MAGI2: variants seen among roughly 807,000 people sequenced by gnomAD.
MAGI2 encodes the protein membrane-associated guanylate kinase, WW and PDZ domain-containing protein 2.
MAGI2 carries 35 observed loss-of-function variants against 133.3 expected under a neutral mutation model. That is an observed-to-expected ratio of 0.26 (90% confidence interval 0.20 to 0.35). MAGI2 has a LOEUF of 0.35. Among genes scored for constraint, MAGI2 ranks in the 10% least tolerant of loss-of-function variants. The probability of loss-of-function intolerance (pLI) is 1.00; values close to 1 mark genes in which losing one functional copy is unlikely to be tolerated. For missense variants in MAGI2, 1,636 were observed against 1,863.4 expected (o/e 0.88, Z 2.25); for synonymous variants, 729 against 710.6 (o/e 1.03, Z -0.41).
intron 1 of MAGI2, among the ~76,000 whole-genome samples, chr7:79,017,197 C>T (rs527854755): frequency 6.6e-6 from 1 of 152,210 alleles, no homozygotes; most frequent in Non-Finnish European, 1.5e-5. Flanking sequence ...AGAGTTCTAG[C>T]CAGCTGTCTG....
At chr7:79,282,593 A>C (rs1279364002) in intron 1 of MAGI2, among the ~76,000 whole-genome samples, 1 of 152,172 alleles carries the variant, frequency 6.6e-6, no homozygotes, top group Non-Finnish European at 1.5e-5. Context: ...AAGCAGAGAA[A>C]AGAACAAAAG....
intron 1 of MAGI2, among the ~76,000 whole-genome samples, chr7:79,031,719 T>C (rs1810594022): frequency 6.6e-6 from 1 of 152,202 alleles, no homozygotes; most frequent in African/African-American, 2.4e-5. Flanking sequence ...AAAATGTATA[T>C]TTAGTTTCTC....
At chr7:78,700,314 A>T (rs865845627) in intron 2 of MAGI2, among the ~76,000 whole-genome samples, 4 of 152,076 alleles carry the variant, frequency 2.6e-5, no homozygotes, top group Non-Finnish European at 4.4e-5. Flanking sequence ...CATGTTGTGG[A>T]TGTTTGTGAA....
chr7:78,969,910 A>T (rs1043427645), intron 2 of MAGI2, among the ~76,000 whole-genome samples: 1 of 152,056 alleles, frequency 6.6e-6, no homozygotes, highest in African/African-American at 2.4e-5. Context: ...TTGTGTATGA[A>T]TACCAATATC....
At chr7:78,976,030 C>T (rs1000845947) in intron 2 of MAGI2, among the ~76,000 whole-genome samples, 1 of 151,512 alleles carries the variant, frequency 6.6e-6, no homozygotes, top group Non-Finnish European at 1.5e-5. Flanking sequence ...AATAACTTCT[C>T]AAAAATGAAA....
At chr7:79,119,014 T>A (rs1227739816) in intron 1 of MAGI2, among the ~76,000 whole-genome samples, 2 of 152,120 alleles carry the variant, frequency 1.3e-5, no homozygotes, top group African/African-American at 4.8e-5. Flanking sequence ...TGGCAGTGAG[T>A]GTAATTTCAA....
chr7:79,020,084 C>A (rs998976721), intron 1 of MAGI2, among the ~76,000 whole-genome samples: 1 of 152,120 alleles, frequency 6.6e-6, no homozygotes, highest in African/African-American at 2.4e-5. Flanking sequence ...GTGATATGGA[C>A]AATGAAGTCC....
intron 6 of MAGI2, among the ~76,000 whole-genome samples, chr7:78,453,400 G>A (rs751692678): frequency 6.6e-6 from 1 of 152,212 alleles, no homozygotes; most frequent in Non-Finnish European, 1.5e-5. Context: ...TGTTTCCCCA[G>A]GCTCTTGGCA....
At chr7:78,855,194 T>C (rs1793525006) in intron 2 of MAGI2, among the ~76,000 whole-genome samples, 1 of 152,076 alleles carries the variant, frequency 6.6e-6, no homozygotes, top group Admixed American at 6.6e-5. Flanking sequence ...GCTCAAGCCA[T>C]CCTACCACCT....
rs114280650 is a variant in MAGI2 at position 78,792,271 on chromosome 7, A to C, written c.419-165032T>G. ...CACGTAAAGCCTTTACACAATAAAC[A>C]CTTAGGAAATGTTTGTTGTCCACGT... is the stretch of plus-strand genomic sequence containing the variant. On this transcript the variant is annotated intron_variant, in intron 2 of 21. Transcript: ENST00000354212. Among the ~76,000 whole-genome samples the C allele has an allele frequency of 4.6e-3, 706 of 152,300 alleles. 8 individuals carry two copies. Among genetic ancestry groups the C allele is most frequent in the African/African-American group, 0.016 (671 of 41,558 alleles).
chr7:78,019,776 A>C lies in MAGI2; in HGVS notation c.3907T>G (p.Cys1303Gly), dbSNP rs1373016946. 1.2e-6 allele frequency: 2 copies of C among 1,612,494 alleles called. No homozygotes were observed. The highest frequency in any genetic ancestry group is 1.7e-6 in the Non-Finnish European group (2 of 1,179,670). ...DVRKPKELSA[C>G]GQKKQRLGEQ... ...CCGAGGCGCTGCTTCTTCTGGCCGC[A>C]GGCTGAAAGCTCCTTTGGTTTCCTA... The change falls in exon 22 of 22, where the codon TGC becomes GGC. Residue 1303 changes from cysteine to glycine, a missense_variant. Around this residue, in one of 5 missense-constraint regions of MAGI2, gnomAD observed 354 missense variants for 298.7 expected, o/e 1.19. Coordinates refer to ENST00000354212, the MANE Select transcript of MAGI2 (RefSeq NM_012301.4).
At chr7:78,057,989 A>ATGTGTGTGTGTGTGTGTGTG (rs1384818083) in intron 21 of MAGI2, among the ~76,000 whole-genome samples, 40 of 30,654 alleles carry the variant, frequency 1.3e-3, no homozygotes, top group South Asian at 2.4e-3. Context: ...ATATATATAT[A>ATGTGTGTGTGTGTGTGTGTG]TATATATATA....
At chr7:79,332,632 TG>T (rs1374058414) in intron 1 of MAGI2, among the ~76,000 whole-genome samples, 1 of 152,174 alleles carries the variant, frequency 6.6e-6, no homozygotes, top group Non-Finnish European at 1.5e-5. Flanking sequence ...CAAGTCATAT[TG>T]GGTAGAGCAG....
chr7:78,239,420 AAACT>A (rs1237426958), intron 10 of MAGI2, among the ~76,000 whole-genome samples: 2 of 152,228 alleles, frequency 1.3e-5, no homozygotes, highest in African/African-American at 4.8e-5. Flanking sequence ...GGGTTATATC[AAACT>A]AACAAACTTC....
intron 1 of MAGI2, among the ~76,000 whole-genome samples, chr7:79,032,638 ATGTAAAAATC>A (rs1252446465): frequency 6.6e-6 from 1 of 152,086 alleles, no homozygotes; most frequent in Non-Finnish European, 1.5e-5. Flanking sequence ...TTTTAAAAAT[ATGTAAAAATC>A]TGAAGCACTC....
At chr7:78,653,013 G>C (rs566646871) in intron 2 of MAGI2, among the ~76,000 whole-genome samples, 1 of 151,656 alleles carries the variant, frequency 6.6e-6, no homozygotes, top group Non-Finnish European at 1.5e-5. Context: ...ACATTTATGC[G>C]GTCAACAAAC....
intron 1 of MAGI2, among the ~76,000 whole-genome samples, chr7:79,364,897 C>T (rs185637629): frequency 7.2e-6 from 1 of 139,332 alleles, no homozygotes; most frequent in African/African-American, 2.9e-5. Context: ...TTAATTAGAC[C>T]TCATCAAAAT....
chr7:79,134,487 A>G (rs1821201663), intron 1 of MAGI2, among the ~76,000 whole-genome samples: 1 of 152,134 alleles, frequency 6.6e-6, no homozygotes, highest in African/African-American at 2.4e-5. Context: ...AGGTTGGTAT[A>G]ATGTATCTCA....
intron 1 of MAGI2, among the ~76,000 whole-genome samples, chr7:79,151,833 C>A (rs979687926): frequency 1.5e-4 from 23 of 152,108 alleles, no homozygotes; most frequent in African/African-American, 5.1e-4. Context: ...CTGGAAAAAA[C>A]CTCTAAGGGA....
Sources: gnomAD v4.1 joint callset for allele counts (sites outside exome capture counted in the v4.1 genomes callset) on GRCh38, gnomAD v4.1.1 for gene constraint, gnomAD v4.1.1 regional missense constraint, MANE v1.5 for transcripts, NCBI Gene and HGNC (gene_info 2026-07-23, HGNC 2026-07-21) for gene names.